Variants in UNC5A observed in about 807,000 individuals in gnomAD.
The protein encoded by UNC5A is netrin receptor UNC5A.
Under a neutral mutation model 87.4 loss-of-function variants are expected in UNC5A, and 20 were observed. That is an observed-to-expected ratio of 0.23 (90% CI 0.16 to 0.33). The LOEUF (loss-of-function observed/expected upper bound fraction) is 0.33. Ranked by LOEUF, UNC5A falls within the 10% of genes least tolerant of loss-of-function variation. The pLI, the probability that UNC5A is intolerant of heterozygous loss-of-function variation, is 1.00. For missense variants in UNC5A, 844 were observed against 1,133.4 expected, an observed-to-expected ratio of 0.74 and a Z score of 3.67; for synonymous variants, 438 against 482.3, an observed-to-expected ratio of 0.91 and a Z score of 1.20.
chr5:176,825,364 G>A (rs533921463), intron 1 of UNC5A, among the ~76,000 whole-genome samples: 1 of 152,276 alleles, frequency 6.6e-6, no homozygotes, highest in South Asian at 2.1e-4. Context: ...AGGCAGCCTT[G>A]AGGAAGGCTT....
intron 1 of UNC5A, among the ~76,000 whole-genome samples, chr5:176,834,669 C>CTCTT (rs1757106548): frequency 7.3e-6 from 1 of 137,568 alleles, no homozygotes; most frequent in Admixed American, 7.2e-5. Flanking sequence ...CCCGTCTTCT[C>CTCTT]TCTCTCTCTC....
chr5:176,846,384 G>A (rs62402766), intron 1 of UNC5A, among the ~76,000 whole-genome samples: 2,025 of 152,060 alleles, frequency 0.013, 28 homozygotes, highest in Non-Finnish European at 0.02. Flanking sequence ...GAGTAGGGAG[G>A]GGGAAAGAGA....
At chr5:176,821,999 T>C (rs368126603) in intron 1 of UNC5A, among the ~76,000 whole-genome samples, 38 of 152,378 alleles carry the variant, frequency 2.5e-4, no homozygotes, top group African/African-American at 9.1e-4. Flanking sequence ...CTGGGAGGAC[T>C]GTGCTTAAGA....
chr5:176,830,561 GGT>G (rs141393711), intron 1 of UNC5A, among the ~76,000 whole-genome samples: 122,243 of 133,320 alleles, frequency 0.92, 56,569 homozygotes, highest in South Asian at 0.98. Flanking sequence ...CATGTGTCCT[GGT>G]GTGTGTGTGT....
intron 1 of UNC5A, among the ~76,000 whole-genome samples, chr5:176,852,909 G>A (rs958614221): frequency 6.6e-6 from 1 of 152,256 alleles, no homozygotes; most frequent in Admixed American, 6.5e-5. Context: ...CTGCTGTTGT[G>A]ACATGTTTTA....
intron 1 of UNC5A, among the ~76,000 whole-genome samples, chr5:176,852,796 G>C (rs1290779351): frequency 1.3e-5 from 2 of 152,230 alleles, no homozygotes; most frequent in Non-Finnish European, 2.9e-5. Flanking sequence ...GTGTGGGAAG[G>C]CCCAAGCCAG....
chr5:176,863,574 A>T (rs1475606085), intron 2 of UNC5A, among the ~76,000 whole-genome samples: 1 of 152,002 alleles, frequency 6.6e-6, no homozygotes, highest in East Asian at 1.9e-4. Flanking sequence ...CACCTCTTCC[A>T]TGAGACACCA....
At chr5:176,830,770 G>A (rs1756996146) in intron 1 of UNC5A, among the ~76,000 whole-genome samples, 1 of 147,768 alleles carries the variant, frequency 6.8e-6, no homozygotes, top group African/African-American at 2.5e-5. Context: ...GTGTGTAGGT[G>A]TGTGTGTACT....
rs140094899 is a variant in UNC5A, at chr5:176,828,609, G to A, written c.70+17789G>A. Among the ~76,000 whole-genome samples, 1,227 of 152,338 alleles carry A rather than the reference G, an allele frequency of 8.1e-3. 7 individuals are homozygous for A. Among genetic ancestry groups the A allele is most frequent in the Middle Eastern group, 0.017 (5 of 294 alleles). ...CCCCCTGGGCCTCCAACCTCAAGTA[G>A]CAGCCTGTCACTCTCTGCTTTAGCT... is the stretch of plus-strand genomic sequence containing the variant. On this transcript the variant is annotated intron_variant, in intron 1 of 14. Transcript: ENST00000329542.
chr5:176,877,428 A>G, intron 9 of UNC5A, 107 bp from the exon 10 acceptor site: 8 of 1,409,876 alleles, frequency 5.7e-6, no homozygotes, highest in Non-Finnish European at 7.7e-6. Context: ...CCTGCAGCCC[A>G]AGCCCCTGGC....
Position 176,868,639 on chromosome 5 carries a change from C to T in UNC5A, c.515C>T (p.Pro172Leu), listed in dbSNP as rs1322890858. 1 of 1,604,166 alleles carries T rather than the reference C, an allele frequency of 6.2e-7. No individual in the cohort carries two copies. Among genetic ancestry groups the T allele is most frequent in the African/African-American group, 1.3e-5 (1 of 74,804 alleles). ...LEQGIVLPCR[P>L]PEGIPPAEVE... ...CAGGGCATCGTGCTGCCCTGCCGTC[C>T]ACCGGAGGGCATCCCTCCAGCCGAG... Residue 172 changes from proline (P) to leucine (L), a missense_variant, in exon 4 of 15, where the codon CCA becomes CTA. Transcript: ENST00000329542.
At chr5:176,870,327 C>T (rs777158189) in intron 5 of UNC5A, 43 bp from the exon 6 acceptor site, 1 of 1,600,298 alleles carries the variant, frequency 6.2e-7, no homozygotes, top group East Asian at 2.2e-5. Flanking sequence ...GGTGGGCTCC[C>T]AGGCTGACCG....
rs1757355901 is a variant in UNC5A, at chr5:176,844,530, G to A, written c.71-18094G>A. ...ACAGCAGGTTGGTGAGGGAAGGTCTGATGGGGACTTAGCCGCACTGTGCCA... is the reference window on the plus strand; with the variant it reads ...ACAGCAGGTTGGTGAGGGAAGGTCTAATGGGGACTTAGCCGCACTGTGCCA... On this transcript the variant is annotated intron_variant, in intron 1 of 14. Coordinates refer to ENST00000329542, the MANE Select transcript of UNC5A (RefSeq NM_133369.3). The surrounding 1 kb of genome is among the most constrained non-coding windows in gnomAD (Gnocchi z 4.2). 6.6e-6 allele frequency among the ~76,000 whole-genome samples: 1 copy of A among 152,232 alleles called. No individual in the cohort carries two copies. Among genetic ancestry groups the A allele is most frequent in the African/African-American group, 2.4e-5 (1 of 41,458 alleles).
In UNC5A at chr5:176,824,145, C is replaced by T. The variant is rs896354780; in HGVS notation, c.70+13325C>T. 2.0e-5 allele frequency among the ~76,000 whole-genome samples: 3 copies of T among 152,254 alleles called. No homozygotes were observed. Among genetic ancestry groups the T allele is most frequent in the Admixed American group, 6.5e-5 (1 of 15,290 alleles). On this transcript the variant is annotated intron_variant, in intron 1 of 14. Transcript: ENST00000329542. This position sits in a 1 kb window ranked among gnomAD's most constrained non-coding sequence, Gnocchi z 4.2. ...CCGCCTGGAGGCGGAGGTGCGGCCC[C>T]GATGCCTCCCGGGTTGGAGGCAGCA...
intron 1 of UNC5A, among the ~76,000 whole-genome samples, chr5:176,830,818 G>A (rs1346195048): frequency 6.7e-6 from 1 of 149,804 alleles, no homozygotes. Flanking sequence ...GCGTGTGTGT[G>A]CGCTGGCATG....
At chr5:176,872,615 G>A (rs1341137839) in intron 6 of UNC5A, among the ~76,000 whole-genome samples, 4 of 122,952 alleles carry the variant, frequency 3.3e-5, no homozygotes, top group South Asian at 2.8e-4. Context: ...ATCTGTCCAC[G>A]CTCACCAACA....
intron 2 of UNC5A, among the ~76,000 whole-genome samples, chr5:176,863,718 C>T (rs1217748594): frequency 7.4e-6 from 1 of 134,804 alleles, no homozygotes; most frequent in Non-Finnish European, 1.6e-5. Flanking sequence ...TCTCCTCCTC[C>T]CCCTCCTCCC....
rs970315832 is a variant in UNC5A at position 176,814,307 on chromosome 5, C to T, written c.70+3487C>T. 4.6e-5 allele frequency among the ~76,000 whole-genome samples: 7 copies of T among 152,326 alleles called. No homozygotes were observed. The East Asian group carries it at 5.8e-4, about 13-fold the overall frequency. ...GGAAAATACCTTCCTCCCTCGTCATCGCCCCACATCAGCTCTGGGCTGGTC... is the reference window on the plus strand; with the variant it reads ...GGAAAATACCTTCCTCCCTCGTCATTGCCCCACATCAGCTCTGGGCTGGTC... On this transcript the variant is annotated intron_variant, in intron 1 of 14. Coordinates refer to ENST00000329542, the MANE Select transcript of UNC5A (RefSeq NM_133369.3).
chr5:176,864,711 C>T (rs578128445), intron 2 of UNC5A: 52 of 378,806 alleles, frequency 1.4e-4, no homozygotes, highest in Non-Finnish European at 2.5e-4. Context: ...TTCTCACCTG[C>T]GGTCTTCAGG....
Sources: gnomAD v4.1 joint callset for allele counts (sites outside exome capture counted in the v4.1 genomes callset) on GRCh38, gnomAD v4.1.1 for gene constraint, Gnocchi (gnomAD v3.1) non-coding constraint, MANE v1.5 for transcripts, NCBI Gene and HGNC (gene_info 2026-07-23, HGNC 2026-07-21) for gene names.